TPTE2: variants seen among roughly 807,000 people sequenced by gnomAD.
The protein encoded by TPTE2 is phosphatidylinositol 3,4,5-trisphosphate 3-phosphatase TPTE2.
In TPTE2, 53 loss-of-function variants were observed where a neutral mutation model predicts 78.6. That is an observed-to-expected ratio of 0.67 (90% CI 0.54 to 0.85). The LOEUF (loss-of-function observed/expected upper bound fraction) is 0.85, where lower values mean the gene tolerates loss of function less well. Ranked by LOEUF, TPTE2 falls within the 40% of genes least tolerant of loss-of-function variation. The pLI is 0.00. For missense variants in TPTE2, 461 were observed against 623.0 expected (o/e 0.74, Z 2.77); for synonymous variants, 175 against 206.2 (o/e 0.85, Z 1.30).
intron 10 of TPTE2, among the ~76,000 whole-genome samples, chr13:19,451,808 AGTGTGTGT>A (rs201672341): frequency 9.6e-5 from 13 of 134,930 alleles, no homozygotes; most frequent in South Asian, 5.1e-4. Context: ...TGTACCTATA[AGTGTGTGT>A]GTGTGTGTGT....
At chr13:19,428,266 T>A (rs2497227) in intron 17 of TPTE2, among the ~76,000 whole-genome samples, 1 of 151,954 alleles carries the variant, frequency 6.6e-6, no homozygotes, top group African/African-American at 2.4e-5. Context: ...CTGACCAACA[T>A]GGAGAAACCC....
the TPTE2 span, chr13:19,560,883 G>C: frequency 1.9e-6 from 3 of 1,572,464 alleles, no homozygotes; most frequent in Admixed American, 5.6e-5. Flanking sequence ...TTGCGTCTCC[G>C]CTTGGTGATC....
chr13:19,494,464 G>A (rs1881191322), intron 1 of TPTE2, among the ~76,000 whole-genome samples: 1 of 152,082 alleles, frequency 6.6e-6, no homozygotes, highest in Non-Finnish European at 1.5e-5. Flanking sequence ...GTGGAATGCA[G>A]CGGCATGTTC....
chr13:19,558,304 C>T, the TPTE2 span, among the ~76,000 whole-genome samples: 1 of 152,158 alleles, frequency 6.6e-6, no homozygotes, highest in African/African-American at 2.4e-5. Flanking sequence ...TACATCACTT[C>T]CCTTTAACTC....
chr13:19,556,150 C>A, the TPTE2 span, among the ~76,000 whole-genome samples: 4 of 152,062 alleles, frequency 2.6e-5, no homozygotes, highest in Non-Finnish European at 2.9e-5. Context: ...ACCATTTGAG[C>A]TGGGGAGAGG....
intron 6 of TPTE2, among the ~76,000 whole-genome samples, chr13:19,473,052 CAAAG>C (rs1879722003): frequency 6.7e-6 from 1 of 148,966 alleles, no homozygotes; most frequent in African/African-American, 2.6e-5. Flanking sequence ...TTCTCCCAAA[CAAAG>C]AGTCTCTCTC....
chr13:19,515,668 C>T (rs188302612), intron 1 of TPTE2, among the ~76,000 whole-genome samples: 267 of 152,250 alleles, frequency 1.8e-3, no homozygotes, highest in African/African-American at 6.2e-3. Flanking sequence ...TAGGCATCCG[C>T]TACTTTTCAG....
At chr13:19,440,734 A>C (rs1444448819) in intron 13 of TPTE2, among the ~76,000 whole-genome samples, 3 of 152,054 alleles carry the variant, frequency 2.0e-5, no homozygotes, top group Non-Finnish European at 2.9e-5. Flanking sequence ...GCACCACTGC[A>C]TTCCAGCCTG....
chr13:19,473,477 C>A (rs1879749015), intron 6 of TPTE2, among the ~76,000 whole-genome samples: 1 of 152,140 alleles, frequency 6.6e-6, no homozygotes, highest in African/African-American at 2.4e-5. Flanking sequence ...AGCATCAATC[C>A]ATGGCCACCT....
the TPTE2 span, among the ~76,000 whole-genome samples, chr13:19,558,671 A>T: frequency 6.6e-6 from 1 of 152,246 alleles, no homozygotes; most frequent in Non-Finnish European, 1.5e-5. Flanking sequence ...CAGGGTTAAC[A>T]ATCTTACATT....
intron 1 of TPTE2, among the ~76,000 whole-genome samples, chr13:19,509,638 C>T (rs1822153797): frequency 6.6e-6 from 1 of 152,136 alleles, no homozygotes; most frequent in South Asian, 2.1e-4. Flanking sequence ...CTCTCCCAAA[C>T]ACCACAGGGC....
At chr13:19,517,857 G>C (rs1869900690) in intron 1 of TPTE2, among the ~76,000 whole-genome samples, 1 of 152,164 alleles carries the variant, frequency 6.6e-6, no homozygotes, top group African/African-American at 2.4e-5. Flanking sequence ...AGAAGGGCAT[G>C]GGGTGGGGGA....
chr13:19,560,557 G>A, the TPTE2 span: 1 of 1,597,414 alleles, frequency 6.3e-7, no homozygotes, highest in Non-Finnish European at 8.5e-7. Context: ...GATGCTCTTG[G>A]CCCAGCTGAT....
At chr13:19,541,597 T>C (rs1871438147), upstream of TPTE2, among the ~76,000 whole-genome samples, 2 of 152,370 alleles carry the variant, frequency 1.3e-5, no homozygotes, top group East Asian at 1.9e-4. Context: ...ATGCCACTTA[T>C]CAGGTTTAAA....
At chr13:19,552,073 T>C in the TPTE2 span, among the ~76,000 whole-genome samples, 1 of 152,218 alleles carries the variant, frequency 6.6e-6, no homozygotes, top group Non-Finnish European at 1.5e-5. Flanking sequence ...AAAGCATCTA[T>C]ATTATGCAGG....
chr13:19,436,662 G>C (rs1277629997), intron 14 of TPTE2, among the ~76,000 whole-genome samples: 2 of 152,146 alleles, frequency 1.3e-5, no homozygotes, highest in African/African-American at 4.8e-5. Flanking sequence ...AGATCCACCT[G>C]CCTCAGCCTC....
chr13:19,549,978 C>A, the TPTE2 span, among the ~76,000 whole-genome samples: 1 of 90,366 alleles, frequency 1.1e-5, no homozygotes, highest in African/African-American at 2.8e-5. Flanking sequence ...AAGAAGGGAA[C>A]AACAGGCACT....
At chr13:19,538,309 C>T (rs546598850), upstream of TPTE2, among the ~76,000 whole-genome samples, 4 of 152,176 alleles carry the variant, frequency 2.6e-5, no homozygotes, top group South Asian at 4.1e-4. Context: ...CAAGCTCCGC[C>T]TCCCGGGTTC....
chr13:19,425,410 T>C (rs990000994), intron 18 of TPTE2, among the ~76,000 whole-genome samples: 2 of 152,222 alleles, frequency 1.3e-5, no homozygotes, highest in African/African-American at 4.8e-5. Context: ...TTATAAATTG[T>C]ATTTTCTGAT....
Sources: gnomAD v4.1 joint callset for allele counts (sites outside exome capture counted in the v4.1 genomes callset) on GRCh38, gnomAD v4.1.1 for gene constraint, MANE v1.5 for transcripts, NCBI Gene and HGNC (gene_info 2026-07-23, HGNC 2026-07-21) for gene names.